Variants in PTCHD4 observed in about 807,000 individuals in gnomAD.
PTCHD4 encodes patched domain containing 4.
In PTCHD4, 33 loss-of-function variants were observed where a neutral mutation model predicts 58.1. That is an observed-to-expected ratio of 0.57 (90% CI 0.43 to 0.76). PTCHD4 has a LOEUF of 0.76. PTCHD4 is among the 30% of genes least tolerant of loss of function. The pLI is 0.00. For missense variants in PTCHD4, 1,058 were observed against 1,027.1 expected (o/e 1.03, Z -0.41); for synonymous variants, 478 against 409.6 (o/e 1.17, Z -2.02).
At chr6:48,079,920 G>A (rs992934973) in intron 1 of PTCHD4, among the ~76,000 whole-genome samples, 3 of 147,980 alleles carry the variant, frequency 2.0e-5, no homozygotes, top group African/African-American at 7.5e-5. Flanking sequence ...GATTATTATA[G>A]GAAAGAACTA....
At chr6:47,891,045 T>TAA (rs59150823) in intron 4 of PTCHD4, 122 of 125,982 alleles carry the variant, frequency 9.7e-4, no homozygotes, top group Middle Eastern at 3.9e-3. Flanking sequence ...TTGCATCAAC[T>TAA]AAAAAAAAAA....
At chr6:48,093,574 C>T (rs1765407180) in intron 1 of PTCHD4, among the ~76,000 whole-genome samples, 1 of 151,994 alleles carries the variant, frequency 6.6e-6, no homozygotes, top group Non-Finnish European at 1.5e-5. Flanking sequence ...AATAATATTG[C>T]TTCTCCTCAT....
intron 3 of PTCHD4, among the ~76,000 whole-genome samples, chr6:48,030,417 AT>A (rs1364708561): frequency 3.3e-5 from 5 of 152,138 alleles, no homozygotes; most frequent in African/African-American, 1.2e-4. Flanking sequence ...TTTCTTGAAT[AT>A]CTGGCTACAA....
chr6:48,003,876 A>G (rs1005546421), intron 4 of PTCHD4, among the ~76,000 whole-genome samples: 1 of 152,036 alleles, frequency 6.6e-6, no homozygotes, highest in East Asian at 1.9e-4. Flanking sequence ...CTTAGCACAT[A>G]TATTTCTCTC....
At chr6:48,040,730 G>A (rs1370864513) in intron 3 of PTCHD4, among the ~76,000 whole-genome samples, 2 of 152,010 alleles carry the variant, frequency 1.3e-5, no homozygotes, top group Non-Finnish European at 2.9e-5. Flanking sequence ...GATACTATTA[G>A]TATTCACATT....
intron 4 of PTCHD4, among the ~76,000 whole-genome samples, chr6:47,955,897 A>G (rs959977317): frequency 5.3e-5 from 8 of 152,318 alleles, no homozygotes; most frequent in Admixed American, 1.3e-4. Context: ...CCCATGGTAT[A>G]GAGCCATCAT....
At chr6:47,899,477 A>G in intron 4 of PTCHD4, 1 of 485,536 alleles carries the variant, frequency 2.1e-6, no homozygotes. Flanking sequence ...AAGATTCTTG[A>G]GTTTGAATTC....
At chr6:47,971,783 G>T (rs76660172) in intron 4 of PTCHD4, among the ~76,000 whole-genome samples, 44 of 152,218 alleles carry the variant, frequency 2.9e-4, no homozygotes, top group Non-Finnish European at 6.0e-4. Flanking sequence ...AGGATCCTCA[G>T]AATCAAATCT....
intron 3 of PTCHD4, among the ~76,000 whole-genome samples, chr6:48,048,127 C>G (rs549963535): frequency 6.6e-6 from 1 of 151,138 alleles, no homozygotes; most frequent in African/African-American, 2.4e-5. Flanking sequence ...GTTGAAGAAG[C>G]TGAGCATTTT....
intron 3 of PTCHD4, among the ~76,000 whole-genome samples, chr6:48,041,602 T>A (rs1031239169): frequency 1.3e-5 from 2 of 152,108 alleles, no homozygotes; most frequent in Non-Finnish European, 2.9e-5. Flanking sequence ...TGTGCAAATT[T>A]CCTCTGTGCT....
At chr6:47,938,922 A>G (rs1766109357) in intron 4 of PTCHD4, among the ~76,000 whole-genome samples, 1 of 152,176 alleles carries the variant, frequency 6.6e-6, no homozygotes, top group South Asian at 2.1e-4. Context: ...AGCTGATAGA[A>G]TCAATGTACT....
At position 47,879,300 on chromosome 6, in the gene PTCHD4, T is replaced by A; in HGVS notation, c.1535A>T (p.Tyr512Phe). 1 of 1,612,808 alleles carries A rather than the reference T, an allele frequency of 6.2e-7. No individual in the cohort carries two copies. Reference sequence around the variant, plus strand: ...GACGTAGAATCCTATCACAGGGCTATAGTTGCTGAAATATTTCTGCTGAAC... The same window carrying A: ...GACGTAGAATCCTATCACAGGGCTAAAGTTGCTGAAATATTTCTGCTGAAC... ...AMVQQKYFSN[Y>F]SPVIGFYVYE... Residue 512 changes from tyrosine (Y) to phenylalanine (F), a missense_variant, in exon 5 of 5, where the codon TAT (tyrosine) becomes TTT (phenylalanine). Transcript: ENST00000339488.
chr6:48,006,617 T>C (rs1762448279), intron 4 of PTCHD4, among the ~76,000 whole-genome samples: 1 of 152,212 alleles, frequency 6.6e-6, no homozygotes, highest in Non-Finnish European at 1.5e-5. Context: ...TCTAGACTCA[T>C]CTTTGTCATT....
Position 47,860,980 on chromosome 6 carries a change from G to A in PTCHD4, c.*17323C>T, listed in dbSNP as rs1255494888. Among the ~76,000 whole-genome samples, 1 of 151,906 alleles carries A rather than the reference G, an allele frequency of 6.6e-6. No homozygotes were observed. Among genetic ancestry groups the A allele is most frequent in the Non-Finnish European group, 1.5e-5 (1 of 67,908 alleles). On this transcript the variant is annotated 3_prime_UTR_variant, in exon 5 of 5. Coordinates refer to ENST00000339488, the MANE Select transcript of PTCHD4 (RefSeq NM_001384253.1). ...CAGAGTTGATGTGCTCCATGCTGAG[G>A]TCGAATGAAGAAGATAGAAAGTGCC...
chr6:48,031,385 G>A (rs1170227683), intron 3 of PTCHD4, among the ~76,000 whole-genome samples: 1 of 152,050 alleles, frequency 6.6e-6, no homozygotes, highest in Non-Finnish European at 1.5e-5. Flanking sequence ...ACTCAGCGTT[G>A]GGCCCAATCT....
At chr6:47,922,317 A>G (rs1765460716) in intron 4 of PTCHD4, among the ~76,000 whole-genome samples, 1 of 152,158 alleles carries the variant, frequency 6.6e-6, no homozygotes, top group Non-Finnish European at 1.5e-5. Context: ...ATTAAATTCT[A>G]CATTTAATGT....
chr6:48,090,772 CAT>C lies in PTCHD4; in HGVS notation c.-970+20275_-970+20276del, dbSNP rs555376135. On this transcript the variant is annotated intron_variant, in intron 1 of 4. Coordinates refer to ENST00000339488, the MANE Select transcript of PTCHD4 (RefSeq NM_001384253.1). ...ATGTTCAAATCATTAAAAGAAGACA[CAT>C]GTAATATTCATCAACAGTTTCACTT... 1.0e-3 allele frequency among the ~76,000 whole-genome samples: 152 copies of C among 152,284 alleles called. 4 individuals carry two copies. The highest frequency in any genetic ancestry group is 9.1e-3 in the Admixed American group (139 of 15,292).
At chr6:48,012,071 T>C (rs1044231984) in intron 3 of PTCHD4, among the ~76,000 whole-genome samples, 3 of 152,198 alleles carry the variant, frequency 2.0e-5, no homozygotes, top group African/African-American at 7.2e-5. Flanking sequence ...TTTGGTTCCA[T>C]ATGAACTTTA....
At chr6:47,943,755 C>T (rs1432547432) in intron 4 of PTCHD4, among the ~76,000 whole-genome samples, 1 of 152,022 alleles carries the variant, frequency 6.6e-6, no homozygotes, top group Non-Finnish European at 1.5e-5. Context: ...AAAATATCCA[C>T]AATCTGTCCC....
Sources: gnomAD v4.1 joint callset for allele counts (sites outside exome capture counted in the v4.1 genomes callset) on GRCh38, gnomAD v4.1.1 for gene constraint, MANE v1.5 for transcripts, NCBI Gene and HGNC (gene_info 2026-07-23, HGNC 2026-07-21) for gene names.